Variants in TP53BP1 observed in about 807,000 individuals in gnomAD.
TP53BP1 encodes TP53-binding protein 1.
A neutral mutation model predicts 200.8 loss-of-function variants in TP53BP1; 61 were observed. That is an observed-to-expected ratio of 0.30 (90% CI 0.25 to 0.38). The LOEUF (loss-of-function observed/expected upper bound fraction) is 0.38. Among genes scored for constraint, TP53BP1 ranks in the 10% least tolerant of loss-of-function variants. The pLI is 1.00. For missense variants in TP53BP1, 2,144 were observed against 2,371.9 expected (o/e 0.90, Z 2.00); for synonymous variants, 822 against 844.3 (o/e 0.97, Z 0.46).
chr15:43,470,652 C>T lies in TP53BP1; in HGVS notation c.1181-586G>A, dbSNP rs1002172370. Among the ~76,000 whole-genome samples the T allele has an allele frequency of 2.6e-4, 40 of 152,324 alleles. 1 individual carries two copies. The highest frequency in any genetic ancestry group is 9.6e-4 in the African/African-American group (40 of 41,560). ...GAAAGAGAAGACACTAATCCTGACA[C>T]ACATTAGGAGGGAACACACACACAC... On this transcript the variant is annotated intron_variant, in intron 10 of 27. Coordinates refer to ENST00000382044, the MANE Select transcript of TP53BP1 (RefSeq NM_001141980.3).
intron 10 of TP53BP1, among the ~76,000 whole-genome samples, chr15:43,473,925 G>A (rs1363178432): frequency 1.3e-5 from 2 of 152,248 alleles, no homozygotes; most frequent in Admixed American, 1.3e-4. Context: ...GGAGCAGGGG[G>A]CAGTGCTCAT....
chr15:43,420,937 T>G (rs1357297026), intron 20 of TP53BP1, 88 bp downstream of exon 20: 14 of 1,507,372 alleles, frequency 9.3e-6, no homozygotes, highest in Non-Finnish European at 1.3e-5. Context: ...TTCTCCCTCC[T>G]GACACCCCAC....
At chr15:43,450,580 A>G (rs1422959329) in intron 12 of TP53BP1, among the ~76,000 whole-genome samples, 1 of 152,196 alleles carries the variant, frequency 6.6e-6, no homozygotes, top group Non-Finnish European at 1.5e-5. Context: ...ACAGTTTTTC[A>G]CATCATCAAC....
At chr15:43,497,394 A>G, upstream of TP53BP1, 1 of 985,282 alleles carries the variant, frequency 1.0e-6, no homozygotes, top group Non-Finnish European at 1.2e-6. Context: ...AACAACAACA[A>G]ATTACCTCAT....
At chr15:43,429,295 G>A (rs562933301) in intron 17 of TP53BP1, among the ~76,000 whole-genome samples, 3 of 152,218 alleles carry the variant, frequency 2.0e-5, no homozygotes, top group African/African-American at 7.2e-5. Context: ...CTAAAAAAAA[G>A]TGCTAGAATT....
In TP53BP1 at chr15:43,406,781, T is replaced by G. The variant is rs141888590; in HGVS notation, c.*602A>C. ...CTCACTTGTGCTTCCCATGTTTATC[T>G]TACGGAAGGTCATTCCATCAAGCTT... On this transcript the variant is annotated 3_prime_UTR_variant, in exon 28 of 28. Transcript: ENST00000382044. The G allele has an allele frequency of 7.6e-4, 271 of 358,202 alleles. No homozygotes were observed. The highest frequency in any genetic ancestry group is 5.5e-3 in the African/African-American group (259 of 46,972). The allele number at this position is 358,202 out of a possible 1,614,324, so 22.2% of individuals were successfully genotyped here.
intron 4 of TP53BP1, among the ~76,000 whole-genome samples, chr15:43,482,334 G>A (rs761800823): frequency 6.6e-5 from 10 of 151,978 alleles, no homozygotes; most frequent in African/African-American, 9.7e-5. Context: ...ATATATCACC[G>A]TTAAAAATGT....
intron 14 of TP53BP1, 62 bp from the exon 15 acceptor site, chr15:43,441,645 C>T (rs1203042849): frequency 1.8e-6 from 2 of 1,111,282 alleles, no homozygotes; most frequent in East Asian, 2.3e-5. Flanking sequence ...TAGTATCACA[C>T]CTAAACCTTC....
intron 12 of TP53BP1, among the ~76,000 whole-genome samples, chr15:43,451,574 C>G (rs1448540611): frequency 6.6e-6 from 1 of 152,152 alleles, no homozygotes; most frequent in African/African-American, 2.4e-5. Context: ...TTTCTTAATC[C>G]AGTCTATCAT....
At chr15:43,448,999 T>C (rs370343441) in intron 12 of TP53BP1, among the ~76,000 whole-genome samples, 2 of 150,538 alleles carry the variant, frequency 1.3e-5, no homozygotes, top group Non-Finnish European at 3.0e-5. Context: ...TAGTGGCAGG[T>C]GCCTGTAATC....
At chr15:43,425,906 A>G (rs948657505) in intron 18 of TP53BP1, among the ~76,000 whole-genome samples, 1 of 152,140 alleles carries the variant, frequency 6.6e-6, no homozygotes, top group East Asian at 1.9e-4. Context: ...TCTACTAAAA[A>G]TACAAAAAAT....
chr15:43,475,369 T>C (rs1317245938), intron 9 of TP53BP1, among the ~76,000 whole-genome samples, 196 bp downstream of exon 9: 1 of 152,194 alleles, frequency 6.6e-6, no homozygotes, highest in African/African-American at 2.4e-5. Flanking sequence ...TGGGCTACTA[T>C]TATAAAATTT....
chr15:43,462,414 G>A (rs1279321892), intron 11 of TP53BP1, among the ~76,000 whole-genome samples: 1 of 151,754 alleles, frequency 6.6e-6, no homozygotes, highest in Non-Finnish European at 1.5e-5. Flanking sequence ...AATCTTCCCC[G>A]CTCATACTGC....
intron 11 of TP53BP1, among the ~76,000 whole-genome samples, chr15:43,468,371 C>T (rs1439881575): frequency 4.0e-5 from 6 of 151,802 alleles, no homozygotes; most frequent in Admixed American, 3.9e-4. Flanking sequence ...ATAGTGATAC[C>T]CCGTCTCTAT....
At position 43,404,504 on chromosome 15, in the gene TP53BP1, G is replaced by A; in HGVS notation, c.*2879C>T. ...TCAGATTTGGCTCAACTACTGTTAC[G>A]ACTAGATTATAACAAATACTATACC... On this transcript the variant is annotated 3_prime_UTR_variant, in exon 28 of 28. Coordinates refer to ENST00000382044, the MANE Select transcript of TP53BP1 (RefSeq NM_001141980.3). 2.5e-6 allele frequency: 4 copies of A among 1,614,108 alleles called. No homozygotes were observed. Among genetic ancestry groups the A allele is most frequent in the Non-Finnish European group, 3.4e-6 (4 of 1,180,018 alleles).
intron 15 of TP53BP1, 94 bp downstream of exon 15, chr15:43,441,432 T>C: frequency 1.2e-6 from 1 of 840,954 alleles, no homozygotes; most frequent in East Asian, 2.4e-5. Flanking sequence ...ATTTTAACTT[T>C]CTCATTTTAA....
chr15:43,409,640 T>G lies in TP53BP1; in HGVS notation c.5400+7A>C. On this transcript the variant is annotated splice_region_variant and intron_variant, in intron 25 of 27. Transcript: ENST00000382044. ...ACTATATTAGGTTACACAAAGAAAC[T>G]CCTCACCTGGGCTTCATTGAAATCT... 1 of 1,502,000 alleles carries G rather than the reference T, an allele frequency of 6.7e-7. No individual in the cohort carries two copies. Among genetic ancestry groups the G allele is most frequent in the Non-Finnish European group, 9.0e-7 (1 of 1,112,462 alleles). 93.0% of individuals were successfully genotyped at this position (1,502,000 alleles called of 1,614,324 possible).
intron 1 of TP53BP1, among the ~76,000 whole-genome samples, chr15:43,507,722 C>CTTTTTTT (rs900254099): frequency 2.1e-5 from 3 of 145,062 alleles, no homozygotes; most frequent in South Asian, 2.2e-4. Context: ...TTTCTTTTTT[C>CTTTTTTT]TTTTTTTTTT....
chr15:43,409,179 G>A, intron 25 of TP53BP1, 83 bp from the exon 26 acceptor site: 11 of 1,349,988 alleles, frequency 8.1e-6, no homozygotes, highest in Non-Finnish European at 1.0e-5. Flanking sequence ...GCCATGAAGA[G>A]CAGATCTGAA....
Sources: gnomAD v4.1 joint callset for allele counts (sites outside exome capture counted in the v4.1 genomes callset) on GRCh38, gnomAD v4.1.1 for gene constraint, MANE v1.5 for transcripts, NCBI Gene and HGNC (gene_info 2026-07-23, HGNC 2026-07-21) for gene names.